ADARB2: variants seen among roughly 807,000 people sequenced by gnomAD.
The protein encoded by ADARB2 is inactive double-stranded RNA-specific editase B2.
Under a neutral mutation model 62.2 loss-of-function variants are expected in ADARB2, and 25 were observed. That is an observed-to-expected ratio of 0.40 (90% CI 0.29 to 0.56). The LOEUF (loss-of-function observed/expected upper bound fraction) is 0.56. Among genes scored for constraint, ADARB2 ranks in the 20% least tolerant of loss-of-function variants. ADARB2 has a pLI of 0.43. For synonymous variants in ADARB2, 572 were observed against 500.8 expected, an observed-to-expected ratio of 1.14 and a Z score of -1.90; for missense variants, 1,071 against 1,077.4, an observed-to-expected ratio of 0.99 and a Z score of 0.08.
intron 1 of ADARB2, among the ~76,000 whole-genome samples, chr10:1,596,637 G>T (rs17156563): frequency 0.045 from 6,916 of 152,262 alleles, 553 homozygotes; most frequent in African/African-American, 0.16. Context: ...TGGACCCGCT[G>T]GCTGAGTGGC....
intron 3 of ADARB2, among the ~76,000 whole-genome samples, chr10:1,355,480 G>A (rs185842620): frequency 1.4e-4 from 21 of 152,304 alleles, no homozygotes; most frequent in Admixed American, 3.3e-4. Flanking sequence ...TTAAATGAGC[G>A]TTACTGTGCA....
At chr10:1,696,281 T>G (rs1253817093) in intron 1 of ADARB2, among the ~76,000 whole-genome samples, 1 of 151,402 alleles carries the variant, frequency 6.6e-6, no homozygotes, top group African/African-American at 2.4e-5. Flanking sequence ...TTTGTGTGTA[T>G]GCACGTGTGT....
chr10:1,319,830 G>A (rs1831779698), intron 3 of ADARB2, among the ~76,000 whole-genome samples: 2 of 151,856 alleles, frequency 1.3e-5, no homozygotes, highest in African/African-American at 4.8e-5. Context: ...TGGCTAGTTA[G>A]AGAGTCGCCA....
chr10:1,526,722 C>T (rs968662880), intron 1 of ADARB2: 18 of 351,096 alleles, frequency 5.1e-5, no homozygotes, highest in African/African-American at 3.9e-4. Flanking sequence ...CATAAATCAC[C>T]CAGCCTCGGG....
chr10:1,267,675 T>C lies in ADARB2; in HGVS notation c.1192+3280A>G, dbSNP rs139807819. ...AACACGCACAATATTTCAAAAGCGA[T>C]ATAAGCAAGTCTAGCAACACAAGTG... On this transcript the variant is annotated intron_variant, in intron 4 of 9. Coordinates refer to ENST00000381312, the MANE Select transcript of ADARB2 (RefSeq NM_018702.4). Among the ~76,000 whole-genome samples, 15 of 152,330 alleles carry C rather than the reference T, an allele frequency of 9.8e-5. No homozygotes were observed. In the East Asian group the frequency reaches 2.9e-3, roughly 29 times the overall value.
intron 4 of ADARB2, among the ~76,000 whole-genome samples, chr10:1,267,822 T>TC (rs1831220835): frequency 1.3e-5 from 2 of 152,194 alleles, no homozygotes; most frequent in African/African-American, 4.8e-5. Context: ...TGAAGGTGGT[T>TC]CTGCTTGGCT....
intron 1 of ADARB2, among the ~76,000 whole-genome samples, chr10:1,467,447 G>T (rs1831267235): frequency 6.6e-6 from 1 of 152,142 alleles, no homozygotes. Flanking sequence ...TTAGGCTGAG[G>T]TTGGAAAGCA....
At chr10:1,714,810 A>G (rs1834995812) in intron 1 of ADARB2, among the ~76,000 whole-genome samples, 1 of 152,204 alleles carries the variant, frequency 6.6e-6, no homozygotes, top group Admixed American at 6.5e-5. Context: ...GGAACCAGCT[A>G]CTCAAAAGCC....
intron 3 of ADARB2, among the ~76,000 whole-genome samples, chr10:1,336,888 C>A (rs1037483712): frequency 1.3e-5 from 2 of 152,056 alleles, no homozygotes; most frequent in Non-Finnish European, 1.5e-5. Flanking sequence ...TGTGTGGTCT[C>A]CCCCTCTGCT....
intron 1 of ADARB2, among the ~76,000 whole-genome samples, chr10:1,508,946 C>T (rs968896395): frequency 6.6e-6 from 1 of 152,158 alleles, no homozygotes; most frequent in South Asian, 2.1e-4. Context: ...GGTGAGAAGT[C>T]GTCTGGCCCA....
intron 1 of ADARB2, among the ~76,000 whole-genome samples, chr10:1,727,925 C>T (rs552383556): frequency 1.3e-5 from 2 of 152,302 alleles, no homozygotes; most frequent in East Asian, 3.9e-4. Context: ...CAGTTTTTGT[C>T]TAAAGACACA....
chr10:1,260,525 C>T (rs1461484500), intron 4 of ADARB2, among the ~76,000 whole-genome samples: 3 of 151,566 alleles, frequency 2.0e-5, no homozygotes, highest in Admixed American at 2.0e-4. Flanking sequence ...AACAGAGAGC[C>T]AAATCATGAG....
intron 1 of ADARB2, among the ~76,000 whole-genome samples, chr10:1,646,752 T>C (rs1227901214): frequency 6.6e-6 from 1 of 152,204 alleles, no homozygotes; most frequent in Non-Finnish European, 1.5e-5. Context: ...TTTTCACATG[T>C]GGGAGGGGGT....
intron 7 of ADARB2, among the ~76,000 whole-genome samples, chr10:1,210,429 C>T (rs568754047): frequency 6.0e-4 from 92 of 152,304 alleles, no homozygotes; most frequent in African/African-American, 2.0e-3. Context: ...GGATGAGACT[C>T]GTGCTGTCTA....
chr10:1,603,975 T>G (rs1290114244), intron 1 of ADARB2, among the ~76,000 whole-genome samples: 1 of 152,060 alleles, frequency 6.6e-6, no homozygotes, highest in Non-Finnish European at 1.5e-5. Context: ...TGACTAATTT[T>G]TGTATTTTTA....
chr10:1,264,242 T>C (rs1831171635), intron 4 of ADARB2, among the ~76,000 whole-genome samples: 1 of 152,220 alleles, frequency 6.6e-6, no homozygotes, highest in Middle Eastern at 3.2e-3. Context: ...AGTTCATTTG[T>C]TTCAGCTTAT....
At chr10:1,206,634 T>C (rs1837071324) in intron 7 of ADARB2, among the ~76,000 whole-genome samples, 1 of 152,152 alleles carries the variant, frequency 6.6e-6, no homozygotes, top group African/African-American at 2.4e-5. Flanking sequence ...GGACCTTTGG[T>C]TCTTTCTGTG....
intron 1 of ADARB2, among the ~76,000 whole-genome samples, chr10:1,441,241 T>C (rs373383199): frequency 1.4e-4 from 22 of 152,204 alleles, no homozygotes; most frequent in East Asian, 7.7e-4. Context: ...AAAATATGTC[T>C]AGCAAAATCT....
chr10:1,303,722 T>C (rs1335024872), intron 3 of ADARB2, among the ~76,000 whole-genome samples: 1 of 152,202 alleles, frequency 6.6e-6, no homozygotes, highest in Non-Finnish European at 1.5e-5. Context: ...GGGACCAATA[T>C]TCAACATTCT....
Sources: gnomAD v4.1 joint callset for allele counts (sites outside exome capture counted in the v4.1 genomes callset) on GRCh38, gnomAD v4.1.1 for gene constraint, MANE v1.5 for transcripts, NCBI Gene and HGNC (gene_info 2026-07-23, HGNC 2026-07-21) for gene names.